ARHGAP39: variants seen among roughly 807,000 people sequenced by gnomAD.
The protein encoded by ARHGAP39 is rho GTPase-activating protein 39.
ARHGAP39 carries 44 observed loss-of-function variants against 106.9 expected under a neutral mutation model. That is an observed-to-expected ratio of 0.41 (90% CI 0.32 to 0.53). ARHGAP39 has a LOEUF of 0.53. Ranked by LOEUF, ARHGAP39 falls within the 20% of genes least tolerant of loss-of-function variation. The probability of loss-of-function intolerance (pLI) is 0.21; values close to 1 mark genes in which losing one functional copy is unlikely to be tolerated. For synonymous variants in ARHGAP39, 768 were observed against 693.2 expected, an observed-to-expected ratio of 1.11 and a Z score of -1.69; for missense variants, 1,496 against 1,577.3, an observed-to-expected ratio of 0.95 and a Z score of 0.87.
intron 3 of ARHGAP39, among the ~76,000 whole-genome samples, chr8:144,566,867 A>G (rs1014710535): frequency 3.9e-5 from 6 of 152,096 alleles, no homozygotes; most frequent in Non-Finnish European, 8.8e-5. Context: ...AAAAAGAAAA[A>G]AAAAAAAAAG....
At chr8:144,574,149 GA>G (rs35193383) in intron 3 of ARHGAP39, among the ~76,000 whole-genome samples, 47,719 of 107,046 alleles carry the variant, frequency 0.45, 10,116 homozygotes, top group South Asian at 0.6. Flanking sequence ...CTGGGTGACA[GA>G]AAAAAAAAAA....
intron 3 of ARHGAP39, among the ~76,000 whole-genome samples, chr8:144,562,529 G>C (rs1283971634): frequency 9.7e-5 from 12 of 123,304 alleles, no homozygotes; most frequent in Admixed American, 1.7e-4. Flanking sequence ...GTTTCCATCG[G>C]ACTCCAGTGG....
intron 1 of ARHGAP39, among the ~76,000 whole-genome samples, chr8:144,667,049 G>T (rs551645664): frequency 6.6e-6 from 1 of 152,108 alleles, no homozygotes; most frequent in East Asian, 1.9e-4. Flanking sequence ...AAACCATTTC[G>T]AACCAATCAA....
intron 1 of ARHGAP39, among the ~76,000 whole-genome samples, chr8:144,655,281 C>A (rs1238745276): frequency 2.0e-5 from 3 of 152,142 alleles, no homozygotes; most frequent in Admixed American, 6.5e-5. Flanking sequence ...GCATGCAATT[C>A]CTCCCCTCTG....
chr8:144,581,330 C>A (rs1007971344), intron 2 of ARHGAP39, 53 bp from the exon 3 acceptor site: 3 of 1,485,108 alleles, frequency 2.0e-6, no homozygotes, highest in African/African-American at 2.8e-5. Context: ...TGGGCCCGCG[C>A]CTCCCACCCC....
At chr8:144,667,726 G>A (rs537957494) in intron 1 of ARHGAP39, among the ~76,000 whole-genome samples, 4 of 152,180 alleles carry the variant, frequency 2.6e-5, no homozygotes, top group Admixed American at 6.5e-5. Flanking sequence ...GTGTGACCCT[G>A]GTGGGTCACA....
intron 9 of ARHGAP39, 128 bp from the exon 10 acceptor site, chr8:144,532,524 C>T (rs747929755): frequency 3.2e-5 from 25 of 784,078 alleles, no homozygotes; most frequent in Non-Finnish European, 4.5e-5. Flanking sequence ...GACCCCCCGC[C>T]ACCCCGGTTG....
chr8:144,675,119 T>G (rs1383957324), intron 1 of ARHGAP39, among the ~76,000 whole-genome samples: 2 of 152,030 alleles, frequency 1.3e-5, no homozygotes, highest in Non-Finnish European at 2.9e-5. Context: ...TCCCACCAGC[T>G]CCATGGACCA....
the ARHGAP39 span, among the ~76,000 whole-genome samples, chr8:144,696,442 C>A: frequency 1.3e-5 from 2 of 152,038 alleles, no homozygotes; most frequent in Non-Finnish European, 2.9e-5. Context: ...CTGGCCGTGC[C>A]CCAGTTAAAA....
rs143743615 is a variant in ARHGAP39 at position 144,650,960 on chromosome 8, C to T, written c.-82+34726G>A. 1.2e-3 allele frequency among the ~76,000 whole-genome samples: 185 copies of T among 152,280 alleles called. 4 individuals carry two copies. In the East Asian group the frequency reaches 0.029, roughly 24 times the overall value. ...ATAGGGAGAGAGGAGGTCAAACTAT[C>T]CCTGTTTGCAGATGACATGATTGTA... On this transcript the variant is annotated intron_variant, in intron 1 of 11. Coordinates refer to ENST00000377307, the MANE Select transcript of ARHGAP39 (RefSeq NM_025251.3).
intron 6 of ARHGAP39, among the ~76,000 whole-genome samples, chr8:144,540,697 G>C (rs368387315): frequency 6.6e-6 from 1 of 152,050 alleles, no homozygotes; most frequent in Non-Finnish European, 1.5e-5. Flanking sequence ...CTACTCGGGA[G>C]GCTGAGGTGG....
intron 1 of ARHGAP39, among the ~76,000 whole-genome samples, chr8:144,651,761 T>C (rs1000264762): frequency 4.6e-5 from 7 of 152,212 alleles, no homozygotes; most frequent in Admixed American, 2.6e-4. Context: ...AGAGTCCAAA[T>C]AGATAAGGCA....
the ARHGAP39 span, among the ~76,000 whole-genome samples, chr8:144,694,694 C>T: frequency 6.6e-6 from 1 of 152,152 alleles, no homozygotes; most frequent in East Asian, 1.9e-4. Context: ...GAGTATCTGT[C>T]CTGGACAAGC....
chr8:144,682,302 C>A (rs1157162180), intron 1 of ARHGAP39, among the ~76,000 whole-genome samples: 2 of 142,306 alleles, frequency 1.4e-5, no homozygotes, highest in African/African-American at 5.3e-5. Flanking sequence ...GTAATCCCAG[C>A]ACTTTGGGAG....
chr8:144,532,521 C>A lies in ARHGAP39; in HGVS notation c.2889-125G>T, dbSNP rs955922712. 5.0e-6 allele frequency: 4 copies of A among 801,458 alleles called. No individual in the cohort carries two copies. In the African/African-American group the frequency reaches 5.1e-5, roughly 10 times the overall value. The allele number at this position is 801,458 out of a possible 1,614,324, so 49.6% of individuals were successfully genotyped here. On this transcript the variant is annotated intron_variant, in intron 9 of 11. Coordinates refer to ENST00000377307, the MANE Select transcript of ARHGAP39 (RefSeq NM_025251.3). The stretch of plus-strand genomic sequence containing the variant: ...AGGGGAGCAAAACCTCAGGACCCCC[C>A]GCCACCCCGGTTGGCCTCTTTCCCA...
At chr8:144,589,960 T>C (rs1211862316) in intron 2 of ARHGAP39, among the ~76,000 whole-genome samples, 1 of 152,204 alleles carries the variant, frequency 6.6e-6, no homozygotes, top group Admixed American at 6.5e-5. Flanking sequence ...AACACGTCAC[T>C]GCTGCCTCGG....
chr8:144,581,673 G>A (rs1231790313), intron 2 of ARHGAP39, among the ~76,000 whole-genome samples: 1 of 152,200 alleles, frequency 6.6e-6, no homozygotes, highest in African/African-American at 2.4e-5. Flanking sequence ...GCTGCAACTG[G>A]ACCGCCACCT....
chr8:144,672,113 C>T (rs1039995389), intron 1 of ARHGAP39, among the ~76,000 whole-genome samples: 2 of 152,218 alleles, frequency 1.3e-5, no homozygotes, highest in Non-Finnish European at 2.9e-5. Flanking sequence ...TTCCACAGCA[C>T]GCCTGAATTC....
At chr8:144,619,499 CCT>C (rs1199684042) in intron 1 of ARHGAP39, among the ~76,000 whole-genome samples, 2 of 151,336 alleles carry the variant, frequency 1.3e-5, no homozygotes, top group Non-Finnish European at 2.9e-5. Context: ...TTTGTGTGAG[CCT>C]CTGTGTCCCT....
Sources: gnomAD v4.1 joint callset for allele counts (sites outside exome capture counted in the v4.1 genomes callset) on GRCh38, gnomAD v4.1.1 for gene constraint, MANE v1.5 for transcripts, NCBI Gene and HGNC (gene_info 2026-07-23, HGNC 2026-07-21) for gene names.